METTL15: variants seen among roughly 807,000 people sequenced by gnomAD.
METTL15 encodes the protein 12S rRNA N(4)-cytidine methyltransferase METTL15.
In METTL15, 34 loss-of-function variants were observed where a neutral mutation model predicts 38.3. The observed-to-expected ratio is 0.89, with a 90% CI of 0.68 to 1.18. METTL15 has a LOEUF of 1.18. Among genes scored for constraint, METTL15 ranks in the 50% most tolerant of loss-of-function variants. The pLI is 0.00. For missense variants in METTL15, 438 were observed against 498.4 expected, an observed-to-expected ratio of 0.88 and a Z score of 1.15; for synonymous variants, 162 against 170.9, an observed-to-expected ratio of 0.95 and a Z score of 0.41.
At chr11:28,263,650 G>A (rs1385125180) in intron 4 of METTL15, among the ~76,000 whole-genome samples, 1 of 151,952 alleles carries the variant, frequency 6.6e-6, no homozygotes, top group African/African-American at 2.4e-5. Flanking sequence ...GAACTTAATA[G>A]ATGTGCAACA....
chr11:28,508,176 A>C (rs1851645468), intron 6 of METTL15, among the ~76,000 whole-genome samples: 1 of 150,282 alleles, frequency 6.7e-6, no homozygotes, highest in South Asian at 2.1e-4. Context: ...GTCCCTCTTC[A>C]GTCCTTATTT....
In METTL15 at chr11:28,445,277, C is replaced by T. The variant is rs563380443; in HGVS notation, c.*424+20913C>T. On this transcript the variant is annotated intron_variant and NMD_transcript_variant, in intron 6 of 7. Coordinates refer to the METTL15 transcript ENST00000532947. The stretch of plus-strand genomic sequence containing the variant: ...TTGTAAGAATAGTGCAAAGAACTTC[C>T]GTAGACTCTTTTTCAGATTAACCAG... Among the ~76,000 whole-genome samples the T allele has an allele frequency of 5.3e-5, 8 of 152,184 alleles. No individual in the cohort carries two copies. The South Asian group carries it at 6.2e-4, about 12-fold the overall frequency.
chr11:28,474,640 G>A (rs1482615030), intron 6 of METTL15, among the ~76,000 whole-genome samples: 1 of 152,202 alleles, frequency 6.6e-6, no homozygotes, highest in Non-Finnish European at 1.5e-5. Flanking sequence ...CAAGGATGAT[G>A]TAGCCTAATA....
chr11:28,220,354 G>A (rs148515183), intron 4 of METTL15, among the ~76,000 whole-genome samples: 1 of 152,132 alleles, frequency 6.6e-6, no homozygotes, highest in African/African-American at 2.4e-5. Context: ...TTGGTTTAAA[G>A]TGTGTTTTAT....
intron 4 of METTL15, among the ~76,000 whole-genome samples, chr11:28,264,977 A>C (rs1855353897): frequency 6.6e-6 from 1 of 152,094 alleles, no homozygotes; most frequent in Non-Finnish European, 1.5e-5. Context: ...CTTCATATCA[A>C]TAATAGCTAT....
chr11:28,408,142 A>G (rs937411379), intron 5 of METTL15, among the ~76,000 whole-genome samples: 2 of 151,818 alleles, frequency 1.3e-5, no homozygotes, highest in African/African-American at 4.8e-5. Flanking sequence ...AACAATACAC[A>G]CTGGGGCCTG....
At chr11:28,319,694 G>A (rs1849393833) in intron 6 of METTL15, among the ~76,000 whole-genome samples, 1 of 152,116 alleles carries the variant, frequency 6.6e-6, no homozygotes, top group Non-Finnish European at 1.5e-5. Context: ...TTTCCCAAGT[G>A]TGTTATCCAG....
chr11:28,438,430 C>T (rs7945266), intron 6 of METTL15, among the ~76,000 whole-genome samples: 1 of 151,852 alleles, frequency 6.6e-6, no homozygotes, highest in Non-Finnish European at 1.5e-5. Context: ...CCTTTGGTCC[C>T]AAATATTTTC....
chr11:28,405,722 C>A (rs576712133), intron 5 of METTL15, among the ~76,000 whole-genome samples: 1 of 152,272 alleles, frequency 6.6e-6, no homozygotes, highest in Admixed American at 6.5e-5. Flanking sequence ...GATGAATAAT[C>A]TGCAGCACAT....
chr11:28,456,057 A>G (rs1851165856), intron 6 of METTL15, among the ~76,000 whole-genome samples: 1 of 152,042 alleles, frequency 6.6e-6, no homozygotes, highest in East Asian at 1.9e-4. Flanking sequence ...GCCGGCTGGC[A>G]TGCAGTGGCA....
At chr11:28,162,475 G>C (rs544541488) in intron 3 of METTL15, among the ~76,000 whole-genome samples, 9 of 152,202 alleles carry the variant, frequency 5.9e-5, no homozygotes, top group African/African-American at 2.2e-4. Flanking sequence ...GTTTTCATGA[G>C]ACTTTCTAGA....
At chr11:28,167,075 A>G (rs962623505) in intron 3 of METTL15, among the ~76,000 whole-genome samples, 2 of 152,130 alleles carry the variant, frequency 1.3e-5, no homozygotes, top group Non-Finnish European at 1.5e-5. Context: ...GTCCTTCTGA[A>G]TTAGGAAGTT....
chr11:28,188,383 G>T (rs1451840308), intron 3 of METTL15, among the ~76,000 whole-genome samples: 1 of 150,898 alleles, frequency 6.6e-6, no homozygotes, highest in African/African-American at 2.4e-5. Context: ...CTTTTTATTT[G>T]GATTTTTAAG....
At chr11:28,270,535 T>G (rs1411533258) in intron 4 of METTL15, among the ~76,000 whole-genome samples, 1 of 152,136 alleles carries the variant, frequency 6.6e-6, no homozygotes, top group Non-Finnish European at 1.5e-5. Flanking sequence ...ATAGAGACAT[T>G]GAAACAGAAC....
chr11:28,504,739 C>A (rs553178672), intron 6 of METTL15, among the ~76,000 whole-genome samples: 19 of 152,182 alleles, frequency 1.2e-4, no homozygotes, highest in African/African-American at 4.6e-4. Context: ...TAATTGTCAT[C>A]GTGATGCACA....
At chr11:28,125,220 A>G (rs1284386836) in intron 3 of METTL15, among the ~76,000 whole-genome samples, 1 of 152,160 alleles carries the variant, frequency 6.6e-6, no homozygotes, top group Admixed American at 6.6e-5. Flanking sequence ...CATGATTGAT[A>G]GCATATAAAA....
At chr11:28,150,140 C>G (rs1850030162) in intron 3 of METTL15, among the ~76,000 whole-genome samples, 1 of 151,880 alleles carries the variant, frequency 6.6e-6, no homozygotes, top group African/African-American at 2.4e-5. Context: ...TGCACCCCAG[C>G]CCTCCAATCT....
intron 3 of METTL15, among the ~76,000 whole-genome samples, chr11:28,146,864 C>T (rs867251759): frequency 6.6e-6 from 1 of 151,642 alleles, no homozygotes; most frequent in Non-Finnish European, 1.5e-5. Flanking sequence ...TTAAAAATGA[C>T]GTTTTTAAAA....
intron 6 of METTL15, among the ~76,000 whole-genome samples, chr11:28,443,137 T>C (rs1851048821): frequency 6.6e-6 from 1 of 152,208 alleles, no homozygotes; most frequent in Admixed American, 6.5e-5. Context: ...ACCTCTGTTC[T>C]TATTTTTATT....
Sources: allele counts gnomAD v4.1 joint callset (sites outside exome capture counted in the v4.1 genomes callset), GRCh38; gene constraint gnomAD v4.1.1; transcripts MANE v1.5; gene names NCBI Gene and HGNC (gene_info 2026-07-23, HGNC 2026-07-21).